DLG2: variants seen among roughly 807,000 people sequenced by gnomAD.
The protein encoded by DLG2 is disks large homolog 2.
In DLG2, 45 loss-of-function variants were observed where a neutral mutation model predicts 132.5. The observed-to-expected ratio is 0.34, with a 90% confidence interval of 0.27 to 0.44. The LOEUF is 0.44. Ranked by LOEUF, DLG2 falls within the 20% of genes least tolerant of loss-of-function variation. The pLI, the probability that DLG2 is intolerant of heterozygous loss-of-function variation, is 1.00. For synonymous variants in DLG2, 424 were observed against 419.6 expected, an observed-to-expected ratio of 1.01 and a Z score of -0.13; for missense variants, 1,045 against 1,196.9, an observed-to-expected ratio of 0.87 and a Z score of 1.87.
At chr11:85,536,772 C>T (rs997332193) in intron 3 of DLG2, among the ~76,000 whole-genome samples, 3 of 152,258 alleles carry the variant, frequency 2.0e-5, no homozygotes, top group Admixed American at 6.5e-5. Flanking sequence ...CATGGACCGC[C>T]ATTCCCTTTT....
At chr11:85,439,520 C>T (rs1006954272) in intron 3 of DLG2, among the ~76,000 whole-genome samples, 1 of 151,878 alleles carries the variant, frequency 6.6e-6, no homozygotes, top group Non-Finnish European at 1.5e-5. Context: ...CCACCACACC[C>T]GGCTAATTTT....
At chr11:84,908,252 T>C (rs2091735598) in intron 6 of DLG2, among the ~76,000 whole-genome samples, 1 of 152,028 alleles carries the variant, frequency 6.6e-6, no homozygotes, top group Non-Finnish European at 1.5e-5. Context: ...TTATATAAAC[T>C]AAAATATACA....
chr11:85,123,888 A>G (rs1186706698), intron 5 of DLG2, among the ~76,000 whole-genome samples: 1 of 152,218 alleles, frequency 6.6e-6, no homozygotes, highest in Non-Finnish European at 1.5e-5. Flanking sequence ...AGAAGAAGCT[A>G]AAACATTTGG....
intron 6 of DLG2, among the ~76,000 whole-genome samples, chr11:84,926,709 C>A (rs2092991003): frequency 6.6e-6 from 1 of 151,786 alleles, no homozygotes; most frequent in Admixed American, 6.6e-5. Flanking sequence ...TCACAATGAA[C>A]AACTTATCCA....
At chr11:83,953,109 A>C (rs2085891666) in intron 14 of DLG2, among the ~76,000 whole-genome samples, 1 of 152,138 alleles carries the variant, frequency 6.6e-6, no homozygotes, top group Non-Finnish European at 1.5e-5. Flanking sequence ...GACATAACCC[A>C]AAACTTATGA....
intron 3 of DLG2, among the ~76,000 whole-genome samples, chr11:85,496,873 T>C (rs1597934552): frequency 1.3e-5 from 2 of 152,018 alleles, no homozygotes; most frequent in African/African-American, 4.8e-5. Flanking sequence ...CAGAAAGGAA[T>C]AGTATCAACG....
At chr11:83,671,559 G>A (rs2076826985) in intron 18 of DLG2, among the ~76,000 whole-genome samples, 1 of 152,214 alleles carries the variant, frequency 6.6e-6, no homozygotes, top group Admixed American at 6.5e-5. Context: ...GAAATAAGCT[G>A]TGAGTATTTG....
At chr11:84,183,998 C>T (rs2096213940) in intron 8 of DLG2, among the ~76,000 whole-genome samples, 1 of 151,772 alleles carries the variant, frequency 6.6e-6, no homozygotes, top group Admixed American at 6.6e-5. Flanking sequence ...GGGTTGGTTC[C>T]AAGTCTTTGC....
intron 21 of DLG2, among the ~76,000 whole-genome samples, chr11:83,501,636 C>A (rs952355176): frequency 6.6e-6 from 1 of 152,138 alleles, no homozygotes; most frequent in Non-Finnish European, 1.5e-5. Flanking sequence ...AGATAAATTC[C>A]TTTTTTCCCT....
intron 3 of DLG2, among the ~76,000 whole-genome samples, chr11:85,454,987 ATTGT>A (rs1241284753): frequency 6.6e-6 from 1 of 152,198 alleles, no homozygotes. Flanking sequence ...TTTGCTTATA[ATTGT>A]TTGGGGTATT....
chr11:84,325,606 G>A (rs2098426578), intron 7 of DLG2, among the ~76,000 whole-genome samples: 1 of 151,990 alleles, frequency 6.6e-6, no homozygotes, highest in African/African-American at 2.4e-5. Flanking sequence ...AATTCCATTT[G>A]GCCATGGTAT....
intron 3 of DLG2, among the ~76,000 whole-genome samples, chr11:85,455,725 T>C (rs2153048624): frequency 6.6e-6 from 1 of 152,316 alleles, no homozygotes; most frequent in South Asian, 2.1e-4. Context: ...TGAGGGTTTT[T>C]ACATAAAGGG....
chr11:84,153,760 T>C (rs187868778), intron 9 of DLG2, among the ~76,000 whole-genome samples: 110 of 152,330 alleles, frequency 7.2e-4, no homozygotes, highest in Middle Eastern at 3.4e-3. Flanking sequence ...ACTGGCTTCC[T>C]TGGATTTCTC....
chr11:84,901,684 G>C (rs2090905207), intron 6 of DLG2, among the ~76,000 whole-genome samples: 1 of 152,010 alleles, frequency 6.6e-6, no homozygotes, highest in Admixed American at 6.6e-5. Flanking sequence ...TTAAAATGTT[G>C]TTATAGGGTC....
At chr11:84,244,351 T>C (rs1039979350) in intron 8 of DLG2, among the ~76,000 whole-genome samples, 3 of 151,990 alleles carry the variant, frequency 2.0e-5, no homozygotes, top group Admixed American at 6.6e-5. Context: ...ACCTGGGTAA[T>C]TTTTTTCTAT....
At chr11:85,105,160 G>A (rs1449356325) in intron 6 of DLG2, among the ~76,000 whole-genome samples, 1 of 151,800 alleles carries the variant, frequency 6.6e-6, no homozygotes, top group Admixed American at 6.6e-5. Flanking sequence ...ATGTCTATGT[G>A]TTTTCTGTTT....
chr11:85,571,625 A>G (rs2077848220), intron 3 of DLG2, among the ~76,000 whole-genome samples: 1 of 152,218 alleles, frequency 6.6e-6, no homozygotes, highest in South Asian at 2.1e-4. Flanking sequence ...ACAGCCATCC[A>G]TACACATGCA....
chr11:83,478,172 C>T (rs553777379), intron 22 of DLG2, among the ~76,000 whole-genome samples: 3 of 152,142 alleles, frequency 2.0e-5, no homozygotes, highest in Admixed American at 6.6e-5. Flanking sequence ...TAGTAGGTAC[C>T]GAATGAATAA....
intron 6 of DLG2, among the ~76,000 whole-genome samples, chr11:84,620,794 C>A (rs1254727195): frequency 6.6e-6 from 1 of 152,072 alleles, no homozygotes; most frequent in Non-Finnish European, 1.5e-5. Flanking sequence ...AACAATTTGA[C>A]ATGATCTTGT....
Sources: gnomAD v4.1 joint callset for allele counts (sites outside exome capture counted in the v4.1 genomes callset) on GRCh38, gnomAD v4.1.1 for gene constraint, MANE v1.5 for transcripts, NCBI Gene and HGNC (gene_info 2026-07-23, HGNC 2026-07-21) for gene names.